RAB3C: variants seen among roughly 807,000 people sequenced by gnomAD.
RAB3C encodes the protein ras-related protein Rab-3C.
Under a neutral mutation model 26.4 loss-of-function variants are expected in RAB3C, and 17 were observed. That is an observed-to-expected ratio of 0.64 (90% CI 0.44 to 0.97). The LOEUF is 0.97. Ranked by LOEUF, RAB3C falls within the 50% of genes least tolerant of loss-of-function variation. The pLI is 0.00. For missense variants in RAB3C, 242 were observed against 281.9 expected, an observed-to-expected ratio of 0.86 and a Z score of 1.01; for synonymous variants, 91 against 95.9, an observed-to-expected ratio of 0.95 and a Z score of 0.30.
At chr5:58,666,353 CTG>C (rs1748001063) in intron 2 of RAB3C, among the ~76,000 whole-genome samples, 1 of 152,146 alleles carries the variant, frequency 6.6e-6, no homozygotes, top group African/African-American at 2.4e-5. Context: ...AGCTATTACT[CTG>C]TATGAGTGGA....
intron 3 of RAB3C, among the ~76,000 whole-genome samples, chr5:58,822,119 A>G (rs1481483054): frequency 6.6e-6 from 1 of 152,190 alleles, no homozygotes; most frequent in Non-Finnish European, 1.5e-5. Flanking sequence ...AATGTGGCTG[A>G]TATAAAGGGA....
intron 3 of RAB3C, among the ~76,000 whole-genome samples, chr5:58,748,669 A>C (rs978953170): frequency 6.6e-6 from 1 of 152,180 alleles, no homozygotes; most frequent in African/African-American, 2.4e-5. Flanking sequence ...CATATGAAAT[A>C]ATATGTCCTA....
intron 2 of RAB3C, among the ~76,000 whole-genome samples, chr5:58,641,773 A>G (rs13354637): frequency 0.27 from 40,745 of 152,082 alleles, 6,176 homozygotes; most frequent in African/African-American, 0.41. Context: ...AAGTCTGTCT[A>G]CCTCTAGGGT....
chr5:58,788,521 T>C (rs1742444464), intron 3 of RAB3C: 1 of 152,220 alleles, frequency 6.6e-6, no homozygotes, highest in African/African-American at 2.4e-5. Flanking sequence ...CAAATGCATT[T>C]ATGTGTGTAT....
intron 1 of RAB3C, among the ~76,000 whole-genome samples, chr5:58,587,134 A>C (rs954904959): frequency 3.9e-5 from 6 of 152,208 alleles, no homozygotes; most frequent in Non-Finnish European, 8.8e-5. Context: ...GGATAGCAAG[A>C]AAACTTAACC....
At chr5:58,596,437 T>A (rs1746251095) in intron 1 of RAB3C, among the ~76,000 whole-genome samples, 1 of 146,878 alleles carries the variant, frequency 6.8e-6, no homozygotes, top group Non-Finnish European at 1.5e-5. Context: ...GTAGAGAGGT[T>A]TAGGGAAAGG....
At chr5:58,811,569 T>C (rs1051930945) in intron 3 of RAB3C, among the ~76,000 whole-genome samples, 2 of 152,188 alleles carry the variant, frequency 1.3e-5, no homozygotes, top group African/African-American at 4.8e-5. Context: ...CAGTCCTCGA[T>C]GAAGTCCATT....
At chr5:58,683,519 C>T (rs62366572) in intron 2 of RAB3C, among the ~76,000 whole-genome samples, 1,618 of 152,112 alleles carry the variant, frequency 0.011, 82 homozygotes, top group Admixed American at 0.092. Flanking sequence ...CGGCTATAAC[C>T]GGGTACCACA....
At chr5:58,640,026 A>G (rs755726072) in intron 2 of RAB3C, among the ~76,000 whole-genome samples, 13 of 152,194 alleles carry the variant, frequency 8.5e-5, no homozygotes, top group Non-Finnish European at 1.8e-4. Flanking sequence ...AGGGAAGCTT[A>G]CTACATAAAG....
At chr5:58,759,375 G>A (rs973108280) in intron 3 of RAB3C, among the ~76,000 whole-genome samples, 10 of 152,140 alleles carry the variant, frequency 6.6e-5, no homozygotes, top group African/African-American at 2.4e-4. Flanking sequence ...TGCAATAGGT[G>A]CAACGTCACA....
chr5:58,583,457 C>A, intron 1 of RAB3C: 1 of 590,074 alleles, frequency 1.7e-6, no homozygotes, highest in Non-Finnish European at 2.1e-6. Context: ...TCTTTCTAGG[C>A]TCTGTAAAGA....
intron 2 of RAB3C, among the ~76,000 whole-genome samples, chr5:58,673,503 C>T (rs985255630): frequency 6.6e-6 from 1 of 150,834 alleles, no homozygotes; most frequent in African/African-American, 2.4e-5. Context: ...ATTTTCAATC[C>T]TCATTTATGA....
At chr5:58,725,946 C>A in intron 2 of RAB3C, 56 bp from the exon 3 acceptor site, 1 of 1,027,528 alleles carries the variant, frequency 9.7e-7, no homozygotes, top group Non-Finnish European at 1.4e-6. Flanking sequence ...TTAATCACTT[C>A]CCAAAAATGT....
At chr5:58,633,996 C>A (rs532927291) in intron 2 of RAB3C, among the ~76,000 whole-genome samples, 1 of 150,620 alleles carries the variant, frequency 6.6e-6, no homozygotes, top group Non-Finnish European at 1.5e-5. Flanking sequence ...AAAAAATTAG[C>A]CGGGCATGGT....
At chr5:58,729,756 T>C (rs1043957412) in intron 3 of RAB3C, among the ~76,000 whole-genome samples, 4 of 143,418 alleles carry the variant, frequency 2.8e-5, no homozygotes, top group Admixed American at 6.9e-5. Context: ...TATATTTATA[T>C]ATATACACAT....
chr5:58,724,255 A>G (rs1474252778), intron 2 of RAB3C, among the ~76,000 whole-genome samples: 2 of 151,752 alleles, frequency 1.3e-5, no homozygotes, highest in East Asian at 1.9e-4. Context: ...GAATTACTTC[A>G]TGGAACCCTA....
rs10691454 is a variant in RAB3C at position 58,805,603 on chromosome 5, A to AAAAAAG, written c.372-19434_372-19433insAAAAGA. The stretch of plus-strand genomic sequence containing the variant: ...AGACTCCATCTGAAAAAAAAAAAAA[A>AAAAAAG]AGAGAGAGAGAGAAAAAAAGAAAAG... On this transcript the variant is annotated intron_variant, in intron 3 of 4. Coordinates refer to ENST00000282878, the MANE Select transcript of RAB3C (RefSeq NM_138453.4). Among the ~76,000 whole-genome samples, 374 of 132,952 alleles carry AAAAAAG rather than the reference A, an allele frequency of 2.8e-3. 11 individuals carry two copies. Among genetic ancestry groups the AAAAAAG allele is most frequent in the East Asian group, 4.8e-3 (23 of 4,784 alleles). 87.2% of individuals were successfully genotyped at this position (132,952 alleles called of 152,430 possible).
intron 2 of RAB3C, among the ~76,000 whole-genome samples, chr5:58,618,588 T>G (rs1332276510): frequency 6.6e-6 from 1 of 152,082 alleles, no homozygotes; most frequent in Non-Finnish European, 1.5e-5. Context: ...GGGATAAATT[T>G]AGGAGACCAG....
intron 4 of RAB3C, among the ~76,000 whole-genome samples, chr5:58,845,050 G>A (rs2548231): frequency 0.85 from 129,441 of 152,132 alleles, 55,969 homozygotes; most frequent in African/African-American, 0.97. Context: ...GCAATACTGT[G>A]ATTGTGATTA....
Sources: allele counts gnomAD v4.1 joint callset (sites outside exome capture counted in the v4.1 genomes callset), GRCh38; gene constraint gnomAD v4.1.1; transcripts MANE v1.5; gene names NCBI Gene and HGNC (gene_info 2026-07-23, HGNC 2026-07-21).